Variants in ST6GALNAC3 observed in about 807,000 individuals in gnomAD.
ST6GALNAC3 encodes alpha-N-acetylgalactosaminide alpha-2,6-sialyltransferase 3.
In ST6GALNAC3, 25 loss-of-function variants were observed where a neutral mutation model predicts 32.7. The observed-to-expected ratio is 0.76, with a 90% CI of 0.56 to 1.07. The LOEUF (loss-of-function observed/expected upper bound fraction) is 1.07, where lower values mean the gene tolerates loss of function less well. ST6GALNAC3 is among the 50% of genes least tolerant of loss of function. The pLI, the probability that ST6GALNAC3 is intolerant of heterozygous loss-of-function variation, is 0.00. For missense variants in ST6GALNAC3, 355 were observed against 382.4 expected (o/e 0.93, Z 0.60); for synonymous variants, 129 against 133.1 (o/e 0.97, Z 0.21).
chr1:76,197,520 G>A (rs1404617930), intron 1 of ST6GALNAC3, among the ~76,000 whole-genome samples: 3 of 152,132 alleles, frequency 2.0e-5, no homozygotes, highest in Non-Finnish European at 4.4e-5. Context: ...AGTGATGCCT[G>A]AGCTGAAAAC....
At chr1:76,494,429 GTATATATATATATA>G (rs60378565) in intron 3 of ST6GALNAC3, among the ~76,000 whole-genome samples, 1,203 of 53,444 alleles carry the variant, frequency 0.023, 41 homozygotes, top group Middle Eastern at 0.12. Flanking sequence ...GTGTGCATGT[GTATATATATATATA>G]TATATATATA....
chr1:76,350,170 C>A (rs1332805097), intron 2 of ST6GALNAC3, among the ~76,000 whole-genome samples: 4 of 151,888 alleles, frequency 2.6e-5, no homozygotes, highest in Non-Finnish European at 5.9e-5. Flanking sequence ...ATTTCAAAAT[C>A]CAGATTTTAA....
chr1:76,144,107 G>T (rs943519092), intron 1 of ST6GALNAC3, among the ~76,000 whole-genome samples: 70 of 151,366 alleles, frequency 4.6e-4, no homozygotes, highest in Non-Finnish European at 1.0e-3. Context: ...AAACTCTAGG[G>T]CCCATGTTTT....
At chr1:76,274,928 T>C (rs1253116872) in intron 1 of ST6GALNAC3, among the ~76,000 whole-genome samples, 2 of 152,138 alleles carry the variant, frequency 1.3e-5, no homozygotes, top group South Asian at 2.1e-4. Flanking sequence ...TCACTAGAAG[T>C]TGGAAAAATG....
intron 2 of ST6GALNAC3, among the ~76,000 whole-genome samples, chr1:76,376,734 G>A (rs902294763): frequency 6.6e-6 from 1 of 152,180 alleles, no homozygotes; most frequent in Non-Finnish European, 1.5e-5. Context: ...TATATGTGAA[G>A]TAATTATTGA....
intron 1 of ST6GALNAC3, among the ~76,000 whole-genome samples, chr1:76,283,842 T>C (rs11162113): frequency 0.22 from 34,094 of 152,186 alleles, 4,107 homozygotes; most frequent in East Asian, 0.51. Flanking sequence ...TGTGATCATA[T>C]ATCTCACATA....
intron 1 of ST6GALNAC3, among the ~76,000 whole-genome samples, chr1:76,257,221 A>T (rs1054724394): frequency 6.6e-6 from 1 of 152,190 alleles, no homozygotes. Context: ...CAACATGAAG[A>T]TGGTTTTATT....
intron 3 of ST6GALNAC3, among the ~76,000 whole-genome samples, chr1:76,491,188 C>T (rs901141994): frequency 1.3e-5 from 2 of 152,024 alleles, no homozygotes; most frequent in Admixed American, 1.3e-4. Flanking sequence ...CTCCTCACTG[C>T]CCTAGCTAGC....
chr1:76,415,021 C>G (rs1048593806), intron 3 of ST6GALNAC3, among the ~76,000 whole-genome samples: 3 of 151,888 alleles, frequency 2.0e-5, no homozygotes, highest in African/African-American at 7.2e-5. Flanking sequence ...CTCCTTCTCT[C>G]TTCTATCTCC....
At chr1:76,537,612 A>T (rs970026556) in intron 3 of ST6GALNAC3, among the ~76,000 whole-genome samples, 1 of 152,108 alleles carries the variant, frequency 6.6e-6, no homozygotes, top group Admixed American at 6.6e-5. Context: ...ATAAATAATG[A>T]TACAATATTG....
At chr1:76,437,582 CTT>C (rs11298028) in intron 3 of ST6GALNAC3, among the ~76,000 whole-genome samples, 2,635 of 137,582 alleles carry the variant, frequency 0.019, 54 homozygotes, top group African/African-American at 0.062. Context: ...TTTTTTTTCT[CTT>C]TTTTTTTTTT....
intron 2 of ST6GALNAC3, among the ~76,000 whole-genome samples, chr1:76,354,948 G>A (rs534223173): frequency 6.6e-6 from 1 of 152,256 alleles, no homozygotes; most frequent in African/African-American, 2.4e-5. Flanking sequence ...GGTAAAAATT[G>A]CTAAATTATT....
intron 1 of ST6GALNAC3, among the ~76,000 whole-genome samples, chr1:76,248,365 C>T (rs910863469): frequency 2.0e-5 from 3 of 152,178 alleles, no homozygotes; most frequent in Non-Finnish European, 4.4e-5. Flanking sequence ...TTTTCAATAT[C>T]ACCATCTCCC....
chr1:76,556,994 A>G (rs1324988985), intron 3 of ST6GALNAC3, among the ~76,000 whole-genome samples: 3 of 152,102 alleles, frequency 2.0e-5, no homozygotes, highest in African/African-American at 7.2e-5. Context: ...AGAGTAGTAG[A>G]ATTTTAGCTC....
chr1:76,490,389 C>T (rs1660419342), intron 3 of ST6GALNAC3, among the ~76,000 whole-genome samples: 1 of 151,178 alleles, frequency 6.6e-6, no homozygotes, highest in South Asian at 2.1e-4. Flanking sequence ...ATTTTGTAGT[C>T]TCCTTAGACA....
intron 3 of ST6GALNAC3, among the ~76,000 whole-genome samples, chr1:76,432,528 C>T (rs532755683): frequency 2.1e-5 from 3 of 139,980 alleles, no homozygotes; most frequent in East Asian, 2.1e-4. Context: ...AAACATGGCT[C>T]GCTGAAGCCT....
intron 1 of ST6GALNAC3, among the ~76,000 whole-genome samples, chr1:76,115,890 T>A (rs1648435981): frequency 6.6e-6 from 1 of 152,238 alleles, no homozygotes; most frequent in African/African-American, 2.4e-5. Context: ...CTTGTTTATA[T>A]TTTTACTCTA....
chr1:76,458,896 T>TA (rs1055409817), intron 3 of ST6GALNAC3, among the ~76,000 whole-genome samples: 12 of 143,834 alleles, frequency 8.3e-5, no homozygotes, highest in South Asian at 2.2e-4. Context: ...ATAATAAATT[T>TA]AAAAAAAAAA....
intron 2 of ST6GALNAC3, among the ~76,000 whole-genome samples, chr1:76,323,742 G>A (rs928330501): frequency 4.6e-5 from 7 of 152,168 alleles, no homozygotes; most frequent in Non-Finnish European, 1.0e-4. Flanking sequence ...AAGAAAGTTT[G>A]GAGATAATAC....
Sources: allele counts gnomAD v4.1 joint callset (sites outside exome capture counted in the v4.1 genomes callset), GRCh38; gene constraint gnomAD v4.1.1; transcripts MANE v1.5; gene names NCBI Gene and HGNC (gene_info 2026-07-23, HGNC 2026-07-21).